PEX7: variants seen among roughly 807,000 people sequenced by gnomAD.
The protein encoded by PEX7 is peroxisomal biogenesis factor 7.
In PEX7, 34 loss-of-function variants were observed where a neutral mutation model predicts 47.5. The observed-to-expected ratio is 0.72, with a 90% CI of 0.54 to 0.95. The LOEUF (loss-of-function observed/expected upper bound fraction) is 0.95, where lower values mean the gene tolerates loss of function less well. Ranked by LOEUF, PEX7 falls within the 40% of genes least tolerant of loss-of-function variation. The probability of loss-of-function intolerance (pLI) is 0.00; values close to 1 mark genes in which losing one functional copy is unlikely to be tolerated. For synonymous variants in PEX7, 141 were observed against 148.8 expected (o/e 0.95, Z 0.38); for missense variants, 394 against 400.3 (o/e 0.98, Z 0.13).
intron 8 of PEX7, among the ~76,000 whole-genome samples, chr6:136,895,726 A>G (rs1335847832): frequency 1.3e-5 from 2 of 152,218 alleles, no homozygotes; most frequent in Admixed American, 6.5e-5. Context: ...ACCATAATGT[A>G]TACACTTGGT....
At chr6:136,908,970 G>T (rs978574090) in intron 9 of PEX7, among the ~76,000 whole-genome samples, 2 of 152,016 alleles carry the variant, frequency 1.3e-5, no homozygotes, top group African/African-American at 2.4e-5. Flanking sequence ...CCTCACATTC[G>T]ATTATAATGG....
At chr6:136,888,951 A>G (rs1321248149) in intron 8 of PEX7, among the ~76,000 whole-genome samples, 2 of 152,138 alleles carry the variant, frequency 1.3e-5, no homozygotes, top group East Asian at 1.9e-4. Flanking sequence ...GAATGTTACT[A>G]TTTAGCACAT....
chr6:136,822,968 C>G (rs1056999233), intron 1 of PEX7, 173 bp downstream of exon 1: 9 of 985,354 alleles, frequency 9.1e-6, no homozygotes, highest in South Asian at 4.7e-5. Context: ...TTGCCGAGTG[C>G]GAGGAGTTGG....
rs778415751 is a variant in PEX7 at position 136,846,131 on chromosome 6, A to G, written c.476A>G (p.Tyr159Cys). The G allele has an allele frequency of 6.2e-7, 1 of 1,613,798 alleles. No individual in the cohort carries two copies. The highest frequency in any genetic ancestry group is 1.1e-5 in the South Asian group (1 of 91,070). The stretch of plus-strand genomic sequence containing the variant: ...TTTAGAGGCCATGAAAGTATTATTT[A>G]TAGCACAATCTGGTCTCCCCACATC... ...CTFRGHESII[Y>C]STIWSPHIPG... The change falls in exon 5 of 10, where the codon TAT becomes TGT. Residue 159 changes from tyrosine to cysteine, a missense_variant. Coordinates refer to ENST00000318471, the MANE Select transcript of PEX7 (RefSeq NM_000288.4).
intron 9 of PEX7, among the ~76,000 whole-genome samples, chr6:136,910,941 A>G (rs1775923321): frequency 6.6e-6 from 1 of 152,100 alleles, no homozygotes; most frequent in Admixed American, 6.5e-5. Flanking sequence ...TATTTTATTT[A>G]TTCCTGTACT....
chr6:136,898,789 G>A (rs1474384288), intron 9 of PEX7, among the ~76,000 whole-genome samples: 1 of 151,826 alleles, frequency 6.6e-6, no homozygotes, highest in East Asian at 1.9e-4. Flanking sequence ...AGACACTTTG[G>A]ACTTTAAATA....
At chr6:136,842,512 G>A (rs375739187) in intron 3 of PEX7, among the ~76,000 whole-genome samples, 7 of 152,316 alleles carry the variant, frequency 4.6e-5, no homozygotes, top group East Asian at 3.9e-4. Context: ...TAGAAGGTGA[G>A]TAGTCATAAG....
chr6:136,891,842 A>C (rs1157906564), intron 8 of PEX7, among the ~76,000 whole-genome samples: 1 of 152,172 alleles, frequency 6.6e-6, no homozygotes, highest in Non-Finnish European at 1.5e-5. Context: ...ACAGGGTTTC[A>C]TCACGTTGCC....
intron 5 of PEX7, 64 bp downstream of exon 5, chr6:136,846,245 T>G: frequency 1.1e-6 from 1 of 923,776 alleles, no homozygotes; most frequent in Non-Finnish European, 1.8e-6. Context: ...TTTTTACCAT[T>G]AGGTGGCGCT....
At chr6:136,847,963 C>A (rs1222234603) in intron 5 of PEX7, among the ~76,000 whole-genome samples, 1 of 152,168 alleles carries the variant, frequency 6.6e-6, no homozygotes, top group Non-Finnish European at 1.5e-5. Context: ...GATATTGATT[C>A]TTCCTATCAA....
At position 136,845,596 on chromosome 6, in the gene PEX7, C is replaced by T. The variant is rs779925128; in HGVS notation, c.340-19C>T. On this transcript the variant is annotated intron_variant, in intron 3 of 9. Transcript: ENST00000318471. ...ACTTGATGGTCTTTTGCTTTCTAAA[C>T]ACTTTTCAATGTTTTTAGGTGTATA... 1 of 1,494,432 alleles carries T rather than the reference C, an allele frequency of 6.7e-7. No homozygotes were observed. Among genetic ancestry groups the T allele is most frequent in the Non-Finnish European group, 9.3e-7 (1 of 1,070,714 alleles). The allele number at this position is 1,494,432 out of a possible 1,614,324, so 92.6% of individuals were successfully genotyped here.
At chr6:136,823,103 C>A (rs1774113985) in intron 1 of PEX7, 35 of 985,262 alleles carry the variant, frequency 3.6e-5, no homozygotes, top group Non-Finnish European at 4.1e-5. Context: ...GCACACGTCC[C>A]CGTAGGGAGA....
intron 7 of PEX7, chr6:136,870,795 C>A: frequency 2.5e-6 from 1 of 401,030 alleles, no homozygotes; most frequent in Non-Finnish European, 5.0e-6. Flanking sequence ...CTTCTGGGTT[C>A]AAGCTGTTCT....
At chr6:136,843,549 TA>T (rs1774541343) in intron 3 of PEX7, among the ~76,000 whole-genome samples, 1 of 152,254 alleles carries the variant, frequency 6.6e-6, no homozygotes, top group South Asian at 2.1e-4. Flanking sequence ...CTGTAAAATC[TA>T]AAGTATTTAC....
At chr6:136,823,384 G>A (rs935862818) in intron 1 of PEX7, 1 of 982,464 alleles carries the variant, frequency 1.0e-6, no homozygotes, top group African/African-American at 1.7e-5. Flanking sequence ...TCGCAAGTAG[G>A]TGTTACAGAC....
At chr6:136,905,544 T>G (rs1431020247) in intron 9 of PEX7, among the ~76,000 whole-genome samples, 1 of 152,196 alleles carries the variant, frequency 6.6e-6, no homozygotes, top group Admixed American at 6.5e-5. Flanking sequence ...TTTTTCAGAC[T>G]TTTTTCTTAT....
intron 5 of PEX7, among the ~76,000 whole-genome samples, chr6:136,853,503 T>C (rs903054867): frequency 6.6e-6 from 1 of 152,190 alleles, no homozygotes; most frequent in East Asian, 1.9e-4. Flanking sequence ...CCCTGAGTTG[T>C]TGAATTATGT....
At position 136,826,525 on chromosome 6, in the gene PEX7, A is replaced by G. The variant is rs927952828; in HGVS notation, c.339+56A>G. ...TTTTCTTTCTTCGACTTTGGTTGAAATCCATTTGGGGATGGACACATGGAG... is the reference window on the plus strand; with the variant it reads ...TTTTCTTTCTTCGACTTTGGTTGAAGTCCATTTGGGGATGGACACATGGAG... On this transcript the variant is annotated intron_variant, in intron 3 of 9. Transcript: ENST00000318471. The G allele has an allele frequency of 6.7e-5, 107 of 1,606,176 alleles. 1 individual carries two copies. In the East Asian group the frequency reaches 1.5e-3, roughly 22 times the overall value.
In PEX7 at chr6:136,822,782, C is replaced by T. The variant is rs779353296; in HGVS notation, c.117C>T (p.His39=). 23 of 1,357,744 alleles carry T rather than the reference C, an allele frequency of 1.7e-5. No homozygotes were observed. The South Asian group carries it at 2.3e-4, about 14-fold the overall frequency. The allele number at this position is 1,357,744 out of a possible 1,614,324, so 84.1% of individuals were successfully genotyped here. A position where few individuals can be genotyped will look rare whatever the true frequency, so the allele number is the denominator to read the frequency against. ...PGRLACATAQ[H]YGIAGCGTLL... is the part of the protein sequence containing the mutation. ...GCCTGGCCTGCGCCACCGCGCAGCACTACGGCATCGCGGGTGAGGCGGCGC... is the reference window on the plus strand; with the variant it reads ...GCCTGGCCTGCGCCACCGCGCAGCATTACGGCATCGCGGGTGAGGCGGCGC... Residue 39 remains histidine, a synonymous_variant, in exon 1 of 10, where the codon CAC becomes CAT. Coordinates refer to ENST00000318471, the MANE Select transcript of PEX7 (RefSeq NM_000288.4).
Sources: allele counts gnomAD v4.1 joint callset (sites outside exome capture counted in the v4.1 genomes callset), GRCh38; gene constraint gnomAD v4.1.1; transcripts MANE v1.5; gene names NCBI Gene and HGNC (gene_info 2026-07-23, HGNC 2026-07-21).